The following TGM3 variants were observed in gnomAD, a reference collection of about 807,000 sequenced individuals.
TGM3 encodes the protein transglutaminase 3.
TGM3 carries 52 observed loss-of-function variants against 73.8 expected under a neutral mutation model. The observed-to-expected ratio is 0.70, with a 90% CI of 0.56 to 0.89. The LOEUF (loss-of-function observed/expected upper bound fraction) is 0.89, where lower values mean the gene tolerates loss of function less well. Ranked by LOEUF, TGM3 falls within the 40% of genes least tolerant of loss-of-function variation. The probability of loss-of-function intolerance (pLI) is 0.00; values close to 1 mark genes in which losing one functional copy is unlikely to be tolerated. For missense variants in TGM3, 928 were observed against 909.9 expected, an observed-to-expected ratio of 1.02 and a Z score of -0.26; for synonymous variants, 372 against 354.9, an observed-to-expected ratio of 1.05 and a Z score of -0.54.
intron 10 of TGM3, among the ~76,000 whole-genome samples, chr20:2,333,833 G>T (rs2122250397): frequency 6.6e-6 from 1 of 152,360 alleles, no homozygotes; most frequent in East Asian, 1.9e-4. Flanking sequence ...CCAAGTAGTT[G>T]CTAGATGACC....
intron 9 of TGM3, among the ~76,000 whole-genome samples, chr20:2,330,630 C>T (rs2084315131): frequency 6.6e-6 from 1 of 152,204 alleles, no homozygotes; most frequent in Non-Finnish European, 1.5e-5. Context: ...ACTTGATAGG[C>T]ATGGACGAGT....
intron 7 of TGM3, among the ~76,000 whole-genome samples, chr20:2,324,304 C>T (rs989259052): frequency 6.6e-6 from 1 of 152,104 alleles, no homozygotes; most frequent in African/African-American, 2.4e-5. Flanking sequence ...CGTTGAGCCT[C>T]GCTCTAGTAG....
At chr20:2,310,581 G>C (rs1203774479) in intron 3 of TGM3, among the ~76,000 whole-genome samples, 164 bp downstream of exon 3, 1 of 152,240 alleles carries the variant, frequency 6.6e-6, no homozygotes, top group Non-Finnish European at 1.5e-5. Flanking sequence ...TTAAGCAGCT[G>C]TCTGAGTGTG....
intron 7 of TGM3, among the ~76,000 whole-genome samples, chr20:2,324,741 G>A (rs561326299): frequency 1.3e-5 from 2 of 152,276 alleles, no homozygotes; most frequent in South Asian, 2.1e-4. Context: ...GCTGCCTGTC[G>A]AGTTCTTGCT....
At chr20:2,327,724 C>T (rs1337946890) in intron 8 of TGM3, among the ~76,000 whole-genome samples, 1 of 152,108 alleles carries the variant, frequency 6.6e-6, no homozygotes, top group Non-Finnish European at 1.5e-5. Flanking sequence ...TCCCTGCAGG[C>T]TGCCTGTTCA....
chr20:2,328,725 G>T lies in TGM3; in HGVS notation c.1333+360G>T, dbSNP rs938766877. Among the ~76,000 whole-genome samples, 1 of 152,250 alleles carries T rather than the reference G, an allele frequency of 6.6e-6. No homozygotes were observed. The highest frequency in any genetic ancestry group is 2.4e-5 in the African/African-American group (1 of 41,466). On this transcript the variant is annotated intron_variant, in intron 9 of 12. Transcript: ENST00000381458. This position sits in a 1 kb window ranked among gnomAD's most constrained non-coding sequence, Gnocchi z 5.2. ...AAAGGCCCCCAAGGGCTTTGGGAGA[G>T]ATTTCTCCATCAGTCTGCTCCCTTA... is the stretch of plus-strand genomic sequence containing the variant.
At chr20:2,314,186 A>G (rs1158890736) in intron 5 of TGM3, among the ~76,000 whole-genome samples, 1 of 152,030 alleles carries the variant, frequency 6.6e-6, no homozygotes, top group Non-Finnish European at 1.5e-5. Flanking sequence ...ACAAACAAAA[A>G]TTAGCCAAGC....
rs772575935 is a variant in TGM3, at chr20:2,299,020, G to A, written c.7+2950G>A. Among the ~76,000 whole-genome samples, 91 of 152,058 alleles carry A rather than the reference G, an allele frequency of 6.0e-4. 1 individual carries two copies. Among genetic ancestry groups the A allele is most frequent in the Admixed American group, 4.8e-3 (74 of 15,264 alleles). On this transcript the variant is annotated intron_variant, in intron 1 of 12. Transcript: ENST00000381458. ...GAATGACAGCTGCCCGTATTTCAGC[G>A]TTTGTTCCTGTAGGATTCCTTACAG...
chr20:2,314,155 G>T (rs912327633), intron 5 of TGM3, among the ~76,000 whole-genome samples: 11 of 152,114 alleles, frequency 7.2e-5, no homozygotes, highest in Admixed American at 3.9e-4. Flanking sequence ...GGGTGACAGA[G>T]TAAGACCCTA....
intron 7 of TGM3, among the ~76,000 whole-genome samples, chr20:2,317,942 T>TA (rs2084244057): frequency 2.3e-5 from 3 of 128,412 alleles, no homozygotes; most frequent in Admixed American, 7.6e-5. Context: ...TATATATATA[T>TA]CATATATATA....
chr20:2,339,159 G>A (rs539021484), intron 11 of TGM3, among the ~76,000 whole-genome samples: 1 of 152,328 alleles, frequency 6.6e-6, no homozygotes, highest in Admixed American at 6.5e-5. Flanking sequence ...AGCCTGGGTT[G>A]AGCTGGGGGG....
At chr20:2,317,047 G>C (rs758643224) in intron 5 of TGM3, 21 bp from the exon 6 acceptor site, 14 of 1,610,054 alleles carry the variant, frequency 8.7e-6, no homozygotes, top group Middle Eastern at 1.9e-4. Context: ...GACTCATTTT[G>C]GGGGGGTGGT....
Position 2,340,924 on chromosome 20 carries a change from G to C in TGM3, c.*343G>C, listed in dbSNP as rs1251518271. The C allele has an allele frequency of 3.7e-5, 18 of 486,362 alleles. No homozygotes were observed. In the Admixed American group the frequency reaches 3.9e-4, roughly 11 times the overall value. The allele number at this position is 486,362 out of a possible 1,614,324, so 30.1% of individuals were successfully genotyped here. On this transcript the variant is annotated 3_prime_UTR_variant, in exon 13 of 13. Coordinates refer to ENST00000381458, the MANE Select transcript of TGM3 (RefSeq NM_003245.4). ...CAGGGACTCTCCAAACGGGATACAG[G>C]AGAGAAGCTGGTCTAGACTGTTTGC... is the stretch of plus-strand genomic sequence containing the variant.
intron 1 of TGM3, 47 bp from the exon 2 acceptor site, chr20:2,309,610 C>A (rs199859769): frequency 6.2e-7 from 1 of 1,603,268 alleles, no homozygotes; most frequent in Admixed American, 1.7e-5. Flanking sequence ...CCCCACACCA[C>A]CATCCCTTGC....
chr20:2,305,486 T>C (rs2084172162), intron 1 of TGM3, among the ~76,000 whole-genome samples: 1 of 152,240 alleles, frequency 6.6e-6, no homozygotes, highest in African/African-American at 2.4e-5. Flanking sequence ...TCAGTTAAAC[T>C]ACCTGGTCTC....
intron 4 of TGM3, among the ~76,000 whole-genome samples, chr20:2,312,651 TTTG>T (rs879323709): frequency 6.6e-5 from 10 of 152,138 alleles, no homozygotes; most frequent in African/African-American, 1.2e-4. Context: ...CTGTCTCTTT[TTTG>T]TTGTTGTTGT....
chr20:2,301,140 A>G (rs2084144889), intron 1 of TGM3, among the ~76,000 whole-genome samples: 1 of 152,012 alleles, frequency 6.6e-6, no homozygotes, highest in Non-Finnish European at 1.5e-5. Context: ...TGAAAATGTC[A>G]TGATATGTGG....
At chr20:2,313,775 T>G (rs535986499) in intron 5 of TGM3, among the ~76,000 whole-genome samples, 1 of 152,208 alleles carries the variant, frequency 6.6e-6, no homozygotes, top group South Asian at 2.1e-4. Flanking sequence ...ACGCCTCTCA[T>G]CCCAGTGCTT....
At chr20:2,309,970 G>A in intron 2 of TGM3, 140 bp downstream of exon 2, 2 of 1,384,014 alleles carry the variant, frequency 1.4e-6, no homozygotes, top group South Asian at 1.3e-5. Context: ...TGTGGCCTTG[G>A]GCAAGTTGCT....
Sources: gnomAD v4.1 joint callset for allele counts (sites outside exome capture counted in the v4.1 genomes callset) on GRCh38, gnomAD v4.1.1 for gene constraint, Gnocchi (gnomAD v3.1) non-coding constraint, MANE v1.5 for transcripts, NCBI Gene and HGNC (gene_info 2026-07-23, HGNC 2026-07-21) for gene names.